Variants in PIEZO2 observed in about 807,000 individuals in gnomAD.
The protein encoded by PIEZO2 is piezo-type mechanosensitive ion channel component 2.
In PIEZO2, 172 loss-of-function variants were observed where a neutral mutation model predicts 337.3. That is an observed-to-expected ratio of 0.51 (90% CI 0.45 to 0.58). The LOEUF is 0.58. Ranked by LOEUF, PIEZO2 falls within the 20% of genes least tolerant of loss-of-function variation. The pLI, the probability that PIEZO2 is intolerant of heterozygous loss-of-function variation, is 0.00. For missense variants in PIEZO2, 3,028 were observed against 3,391.3 expected (o/e 0.89, Z 2.66); for synonymous variants, 1,251 against 1,228.5 (o/e 1.02, Z -0.38).
intron 39 of PIEZO2, 37 bp downstream of exon 39, chr18:10,714,727 T>C: frequency 6.5e-7 from 1 of 1,530,862 alleles, no homozygotes; most frequent in Non-Finnish European, 8.8e-7. Context: ...TCATTTACCT[T>C]TGTCAAAAGT....
At chr18:10,733,908 C>G (rs183732463) in intron 35 of PIEZO2, among the ~76,000 whole-genome samples, 1 of 152,168 alleles carries the variant, frequency 6.6e-6, no homozygotes, top group African/African-American at 2.4e-5. Context: ...CAGTAGCATG[C>G]GTTCCTGACT....
chr18:10,904,443 C>T (rs1459933170), intron 4 of PIEZO2, among the ~76,000 whole-genome samples: 1 of 152,118 alleles, frequency 6.6e-6, no homozygotes, highest in Non-Finnish European at 1.5e-5. Flanking sequence ...TACTTCCCCC[C>T]AGTCACTCTC....
At chr18:10,930,834 G>C (rs1329306965) in intron 3 of PIEZO2, among the ~76,000 whole-genome samples, 10 of 152,178 alleles carry the variant, frequency 6.6e-5, no homozygotes, top group Admixed American at 6.5e-4. Context: ...CTTAAATTTA[G>C]AGAAAGAGGT....
chr18:10,685,161 C>T (rs1324941549), intron 49 of PIEZO2, among the ~76,000 whole-genome samples: 1 of 152,214 alleles, frequency 6.6e-6, no homozygotes, highest in Non-Finnish European at 1.5e-5. Context: ...TGTAAAGCCC[C>T]TGCAGCCTGT....
Position 10,707,953 on chromosome 18 carries a change from A to C in PIEZO2, c.5588+322T>G, listed in dbSNP as rs1262827991. ...TTTGAGTAGTGCCCTCAGAAGCTCT[A>C]AATTATGGAGGAAACATGCTTATGT... On this transcript the variant is annotated intron_variant, in intron 40 of 55. Transcript: ENST00000674853. This position sits in a 1 kb window ranked among gnomAD's most constrained non-coding sequence, Gnocchi z 4.2. 6.6e-6 allele frequency among the ~76,000 whole-genome samples: 1 copy of C among 152,176 alleles called. No homozygotes were observed. Among genetic ancestry groups the C allele is most frequent in the Admixed American group, 6.5e-5 (1 of 15,282 alleles).
rs1478551265 is a variant in PIEZO2, at chr18:11,070,821, G to A, written c.65-4599C>T. Reference sequence around the variant, plus strand: ...AACAGACTGGGCCTAAGTGCTCCTGGTCACAGAAGTGCTGGGCATCAGGGA... The same window carrying A: ...AACAGACTGGGCCTAAGTGCTCCTGATCACAGAAGTGCTGGGCATCAGGGA... On this transcript the variant is annotated intron_variant, in intron 1 of 55. Transcript: ENST00000674853. This position sits in a 1 kb window ranked among gnomAD's most constrained non-coding sequence, Gnocchi z 4.3. Among the ~76,000 whole-genome samples, 1 of 152,198 alleles carries A rather than the reference G, an allele frequency of 6.6e-6. No individual in the cohort carries two copies. Among genetic ancestry groups the A allele is most frequent in the Non-Finnish European group, 1.5e-5 (1 of 68,036 alleles).
chr18:10,762,499 C>T lies in PIEZO2; in HGVS notation c.3249+1G>A. ...CAAACTAAGCACGACAAAGCCATTA[C>T]CCTCAGGTAGACTAGCAGAGGCGAA... is the stretch of plus-strand genomic sequence containing the variant. On this transcript the variant is annotated splice_donor_variant, in intron 23 of 55. Coordinates refer to ENST00000674853, the MANE Select transcript of PIEZO2 (RefSeq NM_001378183.1). LOFTEE classifies it high-confidence loss of function. 1 of 1,537,036 alleles carries T rather than the reference C, an allele frequency of 6.5e-7. No individual in the cohort carries two copies. Among genetic ancestry groups the T allele is most frequent in the Non-Finnish European group, 8.7e-7 (1 of 1,146,868 alleles).
intron 7 of PIEZO2, among the ~76,000 whole-genome samples, chr18:10,836,641 C>A (rs2041023172): frequency 6.6e-6 from 1 of 152,160 alleles, no homozygotes; most frequent in Non-Finnish European, 1.5e-5. Flanking sequence ...AATAGTTGGT[C>A]AAGAAATCCT....
At chr18:10,729,214 A>G (rs921055329) in intron 36 of PIEZO2, among the ~76,000 whole-genome samples, 3 of 152,216 alleles carry the variant, frequency 2.0e-5, no homozygotes, top group African/African-American at 7.2e-5. Flanking sequence ...CGGGAGAAGA[A>G]AGGTCAAAAA....
rs1181985000 is a variant in PIEZO2, at chr18:10,894,209, C to T, written c.329+16977G>A. 6.6e-6 allele frequency among the ~76,000 whole-genome samples: 1 copy of T among 152,066 alleles called. No individual in the cohort carries two copies. Among genetic ancestry groups the T allele is most frequent in the East Asian group, 1.9e-4 (1 of 5,190 alleles). On this transcript the variant is annotated intron_variant, in intron 4 of 55. Coordinates refer to ENST00000674853, the MANE Select transcript of PIEZO2 (RefSeq NM_001378183.1). The surrounding 1 kb of genome is among the most constrained non-coding windows in gnomAD (Gnocchi z 4.1). Reference sequence around the variant, plus strand: ...GGCTCACACCTGTAATCCCAGCACTCTGGAAGGCCGATGGGGGCGGATCAC... The same window carrying T: ...GGCTCACACCTGTAATCCCAGCACTTTGGAAGGCCGATGGGGGCGGATCAC...
rs530647247 is a variant in PIEZO2 at position 10,694,866 on chromosome 18, A to T, written c.7190+1208T>A. ...CAATAAATAAATAAATAAATTTTTT[A>T]AAAAACTAGCATGTCACAGTCTGGG... On this transcript the variant is annotated intron_variant, in intron 47 of 55. Coordinates refer to ENST00000674853, the MANE Select transcript of PIEZO2 (RefSeq NM_001378183.1). Among the ~76,000 whole-genome samples, 6 of 152,244 alleles carry T rather than the reference A, an allele frequency of 3.9e-5. No individual in the cohort carries two copies. In the South Asian group the frequency reaches 8.3e-4, roughly 21 times the overall value.
At chr18:10,944,488 CATATATAT>C (rs768935656) in intron 3 of PIEZO2, among the ~76,000 whole-genome samples, 1 of 132,892 alleles carries the variant, frequency 7.5e-6, no homozygotes, top group East Asian at 2.3e-4. Context: ...ATCTTAGTAA[CATATATAT>C]ATATATATAT....
In PIEZO2 at chr18:10,718,251, C is replaced by G. The variant is rs1413774775; in HGVS notation, c.5038G>C (p.Glu1680Gln). 1 of 1,536,720 alleles carries G rather than the reference C, an allele frequency of 6.5e-7. No individual in the cohort carries two copies. The highest frequency in any genetic ancestry group is 8.7e-7 in the Non-Finnish European group (1 of 1,146,562). Residue 1680 changes from glutamate to glutamine, a missense_variant, in exon 37 of 56, where the codon GAA (glutamate) becomes CAA (glutamine). By Grantham distance (29) the Glu-to-Gln change is conservative (BLOSUM62 2). Around this residue, in one of 5 missense-constraint regions of PIEZO2, gnomAD observed 1,925 missense variants for 2,051.9 expected, o/e 0.94. Coordinates refer to ENST00000674853, the MANE Select transcript of PIEZO2 (RefSeq NM_001378183.1). The part of the protein sequence containing the change: ...RRKGSKEGPV[E>Q]WEDREDEPIK... ...GGTTCATCCTCCCGGTCTTCCCATT[C>G]CACAGGACCTGCCAAGTGTGTTCAA...
intron 4 of PIEZO2, among the ~76,000 whole-genome samples, chr18:10,884,163 A>C (rs1054188229): frequency 6.6e-6 from 1 of 152,160 alleles, no homozygotes; most frequent in Non-Finnish European, 1.5e-5. Context: ...TGATGATGTG[A>C]TATTTGTCTT....
Position 10,867,619 on chromosome 18 carries a change from C to T in PIEZO2, c.492+3634G>A, listed in dbSNP as rs115724643. Among the ~76,000 whole-genome samples, 237 of 152,172 alleles carry T rather than the reference C, an allele frequency of 1.6e-3. 2 individuals are homozygous for T. Among genetic ancestry groups the T allele is most frequent in the African/African-American group, 4.7e-3 (195 of 41,500 alleles). ...AATCCTATTTGAATAAGCATTTGAT[C>T]TATCAGAATTTGGCTTAATAATACA... On this transcript the variant is annotated intron_variant, in intron 5 of 55. Transcript: ENST00000674853.
At chr18:11,046,757 T>C (rs1210979622) in intron 2 of PIEZO2, among the ~76,000 whole-genome samples, 1 of 152,208 alleles carries the variant, frequency 6.6e-6, no homozygotes, top group Non-Finnish European at 1.5e-5. Flanking sequence ...GGAATGGTCA[T>C]GCCAAGGAGG....
chr18:10,961,546 C>T (rs2145379954), intron 3 of PIEZO2, among the ~76,000 whole-genome samples: 1 of 151,620 alleles, frequency 6.6e-6, no homozygotes, highest in South Asian at 2.1e-4. Flanking sequence ...ACATGTACCC[C>T]AGTAACTTAT....
At chr18:10,693,049 T>C (rs1327987917) in intron 47 of PIEZO2, among the ~76,000 whole-genome samples, 1 of 152,188 alleles carries the variant, frequency 6.6e-6, no homozygotes, top group Non-Finnish European at 1.5e-5. Flanking sequence ...CTTTAATTTC[T>C]CTCAGCCATG....
At position 10,726,935 on chromosome 18, in the gene PIEZO2, A is replaced by G; in HGVS notation, c.5029+4472T>C. 2.6e-6 allele frequency: 4 copies of G among 1,531,388 alleles called. No individual in the cohort carries two copies. Among genetic ancestry groups the G allele is most frequent in the Non-Finnish European group, 3.5e-6 (4 of 1,128,468 alleles). The allele number at this position is 1,531,388 out of a possible 1,614,324, so 94.9% of individuals were successfully genotyped here. On this transcript the variant is annotated intron_variant, in intron 36 of 55. Coordinates refer to ENST00000674853, the MANE Select transcript of PIEZO2 (RefSeq NM_001378183.1). The surrounding 1 kb of genome is among the most constrained non-coding windows in gnomAD (Gnocchi z 5.9). ...GCGGAGCTGGGTCGCCTGCTGCCCG[A>G]CTGATGTAGGTTGAGGGCTGCAGAC...
Sources: allele counts gnomAD v4.1 joint callset (sites outside exome capture counted in the v4.1 genomes callset), GRCh38; gene constraint gnomAD v4.1.1; regional missense constraint gnomAD v4.1.1; non-coding constraint Gnocchi (gnomAD v3.1); transcripts MANE v1.5; gene names NCBI Gene and HGNC (gene_info 2026-07-23, HGNC 2026-07-21).